C8orf76: variants seen among roughly 807,000 people sequenced by gnomAD.
C8orf76 encodes the protein uncharacterized protein C8orf76.
C8orf76 carries 46 observed loss-of-function variants against 38.1 expected under a neutral mutation model. The ratio of observed to expected loss-of-function variants is 1.21; its 90% CI spans 0.95 to 1.54. The LOEUF is 1.54. Ranked by LOEUF, C8orf76 falls within the 40% of genes most tolerant of loss-of-function variation. The pLI, the probability that C8orf76 is intolerant of heterozygous loss-of-function variation, is 0.00. For synonymous variants in C8orf76, 166 were observed against 167.5 expected (o/e 0.99, Z 0.07); for missense variants, 461 against 441.6 (o/e 1.04, Z -0.39).
chr8:123,227,502 G>A (rs970780370), intron 4 of C8orf76, among the ~76,000 whole-genome samples: 4 of 152,056 alleles, frequency 2.6e-5, no homozygotes, highest in Middle Eastern at 3.2e-3. Flanking sequence ...CCCAAGACAG[G>A]GTGGACACAG....
At chr8:123,221,592 T>C (rs1329337084) in intron 5 of C8orf76, among the ~76,000 whole-genome samples, 3 of 152,098 alleles carry the variant, frequency 2.0e-5, no homozygotes, top group Non-Finnish European at 2.9e-5. Flanking sequence ...AGTGCCACCA[T>C]GCCCAGCTAA....
At chr8:123,225,055 T>G (rs750651130) in intron 5 of C8orf76, among the ~76,000 whole-genome samples, 3 of 152,136 alleles carry the variant, frequency 2.0e-5, no homozygotes, top group South Asian at 2.1e-4. Flanking sequence ...GCCCAGGCTG[T>G]AGTGCAGTGA....
In C8orf76 at chr8:123,239,136, A is replaced by G; in HGVS notation, c.126T>C (p.Tyr42=). The change falls in exon 2 of 6, where the codon TAT becomes TAC. Residue 42 remains tyrosine, a synonymous_variant. Transcript: ENST00000276704. ...CATCATCACTGCTTTCTGTTTCTTC[A>G]TAAAACCACTTGAAATCATGAAAAT... ...CAKLCEPQWF[Y]EETESSDDVE... 6.2e-7 allele frequency: 1 copy of G among 1,614,138 alleles called. No individual in the cohort carries two copies. Among genetic ancestry groups the G allele is most frequent in the Non-Finnish European group, 8.5e-7 (1 of 1,179,998 alleles).
chr8:123,235,829 G>A (rs1825451021), intron 3 of C8orf76, among the ~76,000 whole-genome samples: 2 of 152,056 alleles, frequency 1.3e-5, no homozygotes, highest in South Asian at 4.1e-4. Context: ...CAATCAAAGA[G>A]GAGGAGGAGG....
chr8:123,228,993 A>C (rs889095067), intron 4 of C8orf76, among the ~76,000 whole-genome samples: 2 of 152,202 alleles, frequency 1.3e-5, no homozygotes, highest in Non-Finnish European at 2.9e-5. Context: ...TCAGCAATTG[A>C]CTAAGTTCTT....
chr8:123,238,262 T>G (rs1456398881), intron 2 of C8orf76, among the ~76,000 whole-genome samples: 1 of 152,106 alleles, frequency 6.6e-6, no homozygotes, highest in Non-Finnish European at 1.5e-5. Context: ...GGAGATCTGA[T>G]AGTTTCATAA....
intron 3 of C8orf76, among the ~76,000 whole-genome samples, chr8:123,234,773 A>C (rs1825399654): frequency 6.6e-6 from 1 of 151,422 alleles, no homozygotes; most frequent in Non-Finnish European, 1.5e-5. Flanking sequence ...CATCTAAAAA[A>C]CAAAAAAACA....
In C8orf76 at chr8:123,231,617, G is replaced by A. The variant is rs756721731; in HGVS notation, c.498C>T (p.Asn166=). 1.9e-6 allele frequency: 3 copies of A among 1,614,096 alleles called. No individual in the cohort carries two copies. In the African/African-American group the frequency reaches 4.0e-5, roughly 22 times the overall value. ...LISLHPFNPW[N]WGKLAEAYLN... is the part of the protein sequence containing the mutation. The stretch of plus-strand genomic sequence containing the variant: ...GGTAAGCCTCTGCCAATTTGCCCCA[G>A]TTCCAAGGATTAAAAGGATGCAAAG... Residue 166 remains asparagine (N), a synonymous_variant, in exon 4 of 6, where the codon AAC becomes AAT. Coordinates refer to ENST00000276704, the MANE Select transcript of C8orf76 (RefSeq NM_032847.3).
chr8:123,226,308 G>A, intron 5 of C8orf76, 192 bp downstream of exon 5: 3 of 1,429,560 alleles, frequency 2.1e-6, no homozygotes, highest in Non-Finnish European at 2.7e-6. Flanking sequence ...AGCCCCTGCG[G>A]TCCCGCACGC....
At chr8:123,225,681 C>A (rs1288628235) in intron 5 of C8orf76, among the ~76,000 whole-genome samples, 1 of 152,158 alleles carries the variant, frequency 6.6e-6, no homozygotes, top group Non-Finnish European at 1.5e-5. Context: ...AATCCCAGCA[C>A]TTTGGGAGGC....
chr8:123,234,832 C>T (rs925717534), intron 3 of C8orf76, among the ~76,000 whole-genome samples: 2 of 150,218 alleles, frequency 1.3e-5, no homozygotes, highest in African/African-American at 4.9e-5. Flanking sequence ...TGTGGTGACA[C>T]ATGCCTATAA....
At position 123,220,304 on chromosome 8, in the gene C8orf76, CA is replaced by C; in HGVS notation, c.949-8del. 1.3e-6 allele frequency: 2 copies of C among 1,526,278 alleles called. No individual in the cohort carries two copies. The highest frequency in any genetic ancestry group is 3.5e-4 in the Middle Eastern group (2 of 5,696). 94.5% of individuals were successfully genotyped at this position (1,526,278 alleles called of 1,614,324 possible). A position where few individuals can be genotyped will look rare whatever the true frequency, so the allele number is the denominator to read the frequency against. ...GGATATCTTCTCCCATAACCTATAA[CA>C]GGAGGAAAAAAAAAAACTGTCCCAA... On this transcript the variant is annotated splice_region_variant and splice_polypyrimidine_tract_variant and intron_variant, in intron 5 of 5. Transcript: ENST00000276704.
intron 3 of C8orf76, 48 bp downstream of exon 3, chr8:123,237,750 A>G (rs770483635): frequency 1.3e-6 from 2 of 1,552,000 alleles, no homozygotes; most frequent in South Asian, 2.5e-5. Context: ...ACACCATTCG[A>G]CCACCCTTAT....
chr8:123,222,173 G>A (rs1480840524), intron 5 of C8orf76, among the ~76,000 whole-genome samples: 2 of 151,604 alleles, frequency 1.3e-5, no homozygotes, highest in East Asian at 2.0e-4. Context: ...ATTTTTAGTA[G>A]AGACAGGGTT....
intron 5 of C8orf76, among the ~76,000 whole-genome samples, chr8:123,225,817 C>T (rs543454847): frequency 3.9e-4 from 59 of 151,842 alleles, no homozygotes; most frequent in African/African-American, 1.3e-3. Flanking sequence ...CCCAGCTACT[C>T]GGGAGGCTGA....
At position 123,241,267 on chromosome 8, in the gene C8orf76, G is replaced by A; in HGVS notation, c.80C>T (p.Pro27Leu). 6.3e-7 allele frequency: 1 copy of A among 1,584,966 alleles called. No homozygotes were observed. Among genetic ancestry groups the A allele is most frequent in the Non-Finnish European group, 8.5e-7 (1 of 1,169,850 alleles). ...GAGCTTGGCGCAGTAGGACGCGGGC[G>A]GTCCTGACCGCCGCTCCGGCCTCTC... is the stretch of plus-strand genomic sequence containing the variant. ...FEERPERRSG[P>L]PASYCAKLCE... is the part of the protein sequence containing the mutation. The change falls in exon 1 of 6, where the codon CCG (proline) becomes CTG (leucine). Residue 27 changes from proline to leucine, a missense_variant. Pro to Leu is a moderately conservative substitution (Grantham distance 98). Coordinates refer to ENST00000276704, the MANE Select transcript of C8orf76 (RefSeq NM_032847.3).
chr8:123,227,893 T>A (rs930421420), intron 4 of C8orf76, among the ~76,000 whole-genome samples: 4 of 152,198 alleles, frequency 2.6e-5, no homozygotes, highest in Non-Finnish European at 5.9e-5. Flanking sequence ...GTCTGACCTG[T>A]TGACATCACC....
At chr8:123,226,897 A>AAC (rs1170804050) in intron 4 of C8orf76, among the ~76,000 whole-genome samples, 7 of 152,254 alleles carry the variant, frequency 4.6e-5, no homozygotes, top group Non-Finnish European at 1.5e-5. Context: ...TTCAGAGAGC[A>AAC]ACACCTGAAA....
rs1825272657 is a variant in C8orf76 at position 123,231,580 on chromosome 8, G to GC, written c.534dup (p.Pro179AlafsTer20). ...GACGCAAGTGCTGCTGAAAGAGCTG[G>GC]CCCCAGATTCAGGTAAGCCTCTGCC... is the stretch of plus-strand genomic sequence containing the variant. On this transcript the variant is annotated frameshift_variant, in exon 4 of 6. Coordinates refer to ENST00000276704, the MANE Select transcript of C8orf76 (RefSeq NM_032847.3). LOFTEE classifies it high-confidence loss of function. 1 of 1,614,090 alleles carries GC rather than the reference G, an allele frequency of 6.2e-7. No individual in the cohort carries two copies. Among genetic ancestry groups the GC allele is most frequent in the South Asian group, 1.1e-5 (1 of 91,086 alleles).
Sources: allele counts gnomAD v4.1 joint callset (sites outside exome capture counted in the v4.1 genomes callset), GRCh38; gene constraint gnomAD v4.1.1; transcripts MANE v1.5; gene names NCBI Gene and HGNC (gene_info 2026-07-23, HGNC 2026-07-21).